CNBD1: variants seen among roughly 807,000 people sequenced by gnomAD.
CNBD1 encodes the protein cyclic nucleotide binding domain containing 1.
CNBD1 carries 71 observed loss-of-function variants against 54.4 expected under a neutral mutation model. That is an observed-to-expected ratio of 1.30 (90% CI 1.08 to 1.59). CNBD1 has a LOEUF of 1.59. Among genes scored for constraint, CNBD1 ranks in the 40% most tolerant of loss-of-function variants. The pLI is 0.00. For missense variants in CNBD1, 659 were observed against 518.0 expected (o/e 1.27, Z -2.64); for synonymous variants, 182 against 170.7 (o/e 1.07, Z -0.51).
chr8:87,066,708 T>C (rs951387431), intron 4 of CNBD1, among the ~76,000 whole-genome samples: 9 of 151,910 alleles, frequency 5.9e-5, no homozygotes, highest in African/African-American at 1.7e-4. Flanking sequence ...AAATCAAGTA[T>C]TTAGAATTTT....
chr8:87,330,251 G>A (rs537407565), intron 8 of CNBD1, among the ~76,000 whole-genome samples: 1 of 120,438 alleles, frequency 8.3e-6, no homozygotes. Flanking sequence ...TTTTCAGTTA[G>A]CCTGGTTAGA....
intron 3 of CNBD1, among the ~76,000 whole-genome samples, chr8:86,905,606 A>G (rs1809005845): frequency 1.3e-5 from 2 of 152,136 alleles, no homozygotes; most frequent in African/African-American, 4.8e-5. Context: ...ACTGAAAGGC[A>G]TTTGTGAAGC....
chr8:87,373,128 T>G (rs1407185148), intron 10 of CNBD1, among the ~76,000 whole-genome samples: 1 of 151,810 alleles, frequency 6.6e-6, no homozygotes, highest in Admixed American at 6.6e-5. Flanking sequence ...TACATATTTT[T>G]AAATTGGAAG....
chr8:87,041,135 T>C (rs902229074), intron 4 of CNBD1, among the ~76,000 whole-genome samples: 5 of 151,976 alleles, frequency 3.3e-5, no homozygotes, highest in Admixed American at 6.6e-5. Context: ...CAATAAAAGG[T>C]ATGTAAATAG....
chr8:87,370,509 G>A (rs1341919593), intron 10 of CNBD1, among the ~76,000 whole-genome samples: 1 of 152,074 alleles, frequency 6.6e-6, no homozygotes, highest in Non-Finnish European at 1.5e-5. Context: ...GTGTCTTTTG[G>A]CTGCATAAAT....
chr8:86,939,567 A>G, intron 3 of CNBD1, 29 bp from the exon 4 acceptor site: 1 of 1,513,146 alleles, frequency 6.6e-7, no homozygotes, highest in South Asian at 1.3e-5. Context: ...AGTATACAAC[A>G]GCATAAAATA....
rs1212667153 is a variant in CNBD1, at chr8:87,256,015, A to ATTTT, written c.771+18925_771+18928dup. 7.0e-4 allele frequency among the ~76,000 whole-genome samples: 11 copies of ATTTT among 15,782 alleles called. 1 individual carries two copies. Among genetic ancestry groups the ATTTT allele is most frequent in the Non-Finnish European group, 9.2e-4 (9 of 9,794 alleles). The allele number at this position is 15,782 out of a possible 152,430, so 10.4% of individuals were successfully genotyped here. ...TATATATATATATATATATATATAT[A>ATTTT]TTTTTTTTTTTTTTTTTTTTTTTTT... is the stretch of plus-strand genomic sequence containing the variant. On this transcript the variant is annotated intron_variant, in intron 6 of 10. Transcript: ENST00000518476.
chr8:87,179,742 A>T, intron 4 of CNBD1, among the ~76,000 whole-genome samples: 1 of 152,118 alleles, frequency 6.6e-6, no homozygotes, highest in East Asian at 1.9e-4. Flanking sequence ...ATAATCATTC[A>T]CTACAGATTG....
intron 5 of CNBD1, among the ~76,000 whole-genome samples, chr8:87,225,953 C>T (rs1292597840): frequency 6.6e-6 from 1 of 150,956 alleles, no homozygotes; most frequent in Non-Finnish European, 1.5e-5. Context: ...TCAACTTCTT[C>T]CTGGTTTAGT....
chr8:86,919,029 T>TA (rs1563821842), intron 3 of CNBD1, among the ~76,000 whole-genome samples: 111 of 151,892 alleles, frequency 7.3e-4, no homozygotes, highest in African/African-American at 2.2e-3. Flanking sequence ...GCTTTTTTTT[T>TA]TAAAAAAAAA....
At chr8:87,089,587 C>T (rs531308166) in intron 4 of CNBD1, among the ~76,000 whole-genome samples, 19 of 151,958 alleles carry the variant, frequency 1.3e-4, no homozygotes, top group South Asian at 6.2e-4. Context: ...GGTTGGAAGA[C>T]GGAAGACTAA....
At chr8:86,973,338 A>G (rs560617392) in intron 4 of CNBD1, among the ~76,000 whole-genome samples, 4 of 152,306 alleles carry the variant, frequency 2.6e-5, no homozygotes, top group African/African-American at 9.6e-5. Context: ...CTATCTATAC[A>G]TGGAATTTTA....
At chr8:87,366,459 C>T (rs568921954) in intron 10 of CNBD1, among the ~76,000 whole-genome samples, 2 of 152,122 alleles carry the variant, frequency 1.3e-5, no homozygotes, top group African/African-American at 2.4e-5. Flanking sequence ...CCCTCTCTCT[C>T]GTTTTGAATC....
rs559595431 is a variant in CNBD1 at position 86,950,052 on chromosome 8, G to A, written c.431+10298G>A. On this transcript the variant is annotated intron_variant, in intron 4 of 10. Coordinates refer to ENST00000518476, the MANE Select transcript of CNBD1 (RefSeq NM_173538.3). ...GCTCACTGCAACCTCTGCCTCCCGGGTTTTTTTTTTTTTTTTTTTTTTTTT... is the reference window on the plus strand; with the variant it reads ...GCTCACTGCAACCTCTGCCTCCCGGATTTTTTTTTTTTTTTTTTTTTTTTT... Among the ~76,000 whole-genome samples, 59 of 14,368 alleles carry A rather than the reference G, an allele frequency of 4.1e-3. 1 individual carries two copies. Among genetic ancestry groups the A allele is most frequent in the African/African-American group, 0.017 (58 of 3,346 alleles). The allele number at this position is 14,368 out of a possible 152,430, so 9.4% of individuals were successfully genotyped here.
At chr8:87,384,757 TG>T (rs1263148125), downstream of CNBD1, among the ~76,000 whole-genome samples, 2 of 151,992 alleles carry the variant, frequency 1.3e-5, no homozygotes, top group Non-Finnish European at 2.9e-5. Context: ...ACCTCAGACC[TG>T]AAGGAAGTGA....
At chr8:87,184,210 A>C (rs1813426095) in intron 4 of CNBD1, among the ~76,000 whole-genome samples, 1 of 152,168 alleles carries the variant, frequency 6.6e-6, no homozygotes, top group Admixed American at 6.5e-5. Flanking sequence ...ATAGGAATGT[A>C]ATAGGCAGTG....
Position 87,182,111 on chromosome 8 carries a change from A to G in CNBD1, c.432-23882A>G, listed in dbSNP as rs1439435757. Among the ~76,000 whole-genome samples the G allele has an allele frequency of 2.0e-5, 3 of 152,086 alleles. No homozygotes were observed. Among genetic ancestry groups the G allele is most frequent in the Non-Finnish European group, 4.4e-5 (3 of 67,998 alleles). On this transcript the variant is annotated intron_variant, in intron 4 of 10. Transcript: ENST00000518476. This position sits in a 1 kb window ranked among gnomAD's most constrained non-coding sequence, Gnocchi z 4.1. ...CCATCTTTGTGTTCATGTGTACTCA[A>G]TATTTAGTTCCCATTTATAAATGAG...
intron 2 of CNBD1, among the ~76,000 whole-genome samples, chr8:87,420,977 C>T (rs1807923634): frequency 6.6e-6 from 1 of 151,786 alleles, no homozygotes; most frequent in Admixed American, 6.6e-5. Flanking sequence ...AGACCTAGGC[C>T]AAACACAGGT....
intron 10 of CNBD1, among the ~76,000 whole-genome samples, chr8:87,364,842 A>G (rs535318718): frequency 5.6e-4 from 85 of 152,202 alleles, no homozygotes; most frequent in African/African-American, 2.0e-3. Flanking sequence ...TTATGGCTGC[A>G]TAGTATTCCA....
Sources: gnomAD v4.1 joint callset for allele counts (sites outside exome capture counted in the v4.1 genomes callset) on GRCh38, gnomAD v4.1.1 for gene constraint, Gnocchi (gnomAD v3.1) non-coding constraint, MANE v1.5 for transcripts, NCBI Gene and HGNC (gene_info 2026-07-23, HGNC 2026-07-21) for gene names.